The following RPRD1A variants were observed in gnomAD, a reference collection of about 807,000 sequenced individuals.
RPRD1A encodes regulation of nuclear pre-mRNA domain containing 1A, also known as regulation of nuclear pre-mRNA domain-containing protein 1A.
A neutral mutation model predicts 37.8 loss-of-function variants in RPRD1A; 9 were observed. The observed-to-expected ratio is 0.24, with a 90% CI of 0.14 to 0.42. RPRD1A has a LOEUF of 0.42. RPRD1A is among the 10% of genes least tolerant of loss of function. The probability of loss-of-function intolerance (pLI) is 1.00; values close to 1 mark genes in which losing one functional copy is unlikely to be tolerated. For missense variants in RPRD1A, 255 were observed against 371.0 expected (o/e 0.69, Z 2.57); for synonymous variants, 138 against 139.7 (o/e 0.99, Z 0.08).
intron 6 of RPRD1A, among the ~76,000 whole-genome samples, chr18:36,020,239 C>A (rs1910903041): frequency 6.6e-6 from 1 of 152,196 alleles, no homozygotes; most frequent in Non-Finnish European, 1.5e-5. Flanking sequence ...TAAAACTCTA[C>A]ACGAATCTGG....
chr18:36,011,396 A>G (rs1338493330), intron 6 of RPRD1A, among the ~76,000 whole-genome samples: 1 of 152,190 alleles, frequency 6.6e-6, no homozygotes, highest in Non-Finnish European at 1.5e-5. Flanking sequence ...AAAGTTAATA[A>G]CCACTGTCCT....
Position 35,991,997 on chromosome 18 carries a change from G to A in RPRD1A, c.*1154C>T, listed in dbSNP as rs1908743660. 1 of 152,644 alleles carries A rather than the reference G, an allele frequency of 6.6e-6. No homozygotes were observed. The highest frequency in any genetic ancestry group is 2.4e-5 in the African/African-American group (1 of 41,452). 9.5% of individuals were successfully genotyped at this position (152,644 alleles called of 1,614,324 possible). ...GTACAAATCCACAGCTTAACAATGT[G>A]TTTTTAACAGCAGGAGAGCATGCAA... On this transcript the variant is annotated 3_prime_UTR_variant, in exon 7 of 7. Transcript: ENST00000399022.
chr18:36,015,015 C>CA (rs1285405638), intron 6 of RPRD1A, among the ~76,000 whole-genome samples: 3 of 151,896 alleles, frequency 2.0e-5, no homozygotes, highest in Admixed American at 2.0e-4. Flanking sequence ...AATGTTGTAG[C>CA]ACTATGGAAA....
chr18:36,016,308 C>T (rs1910570809), intron 6 of RPRD1A, among the ~76,000 whole-genome samples: 1 of 152,144 alleles, frequency 6.6e-6, no homozygotes, highest in Admixed American at 6.5e-5. Flanking sequence ...CCGCAACCTC[C>T]ACCTACTGGG....
rs770442162 is a variant in RPRD1A, at chr18:36,033,737, A to C, written c.252T>G (p.Val84=). The C allele has an allele frequency of 1.2e-6, 2 of 1,613,304 alleles. No individual in the cohort carries two copies. The highest frequency in any genetic ancestry group is 2.2e-5 in the South Asian group (2 of 90,968). The part of the protein sequence containing the change: ...GPEFTKDFAP[V]IVEAFKHVSS... Reference sequence around the variant, plus strand: ...AAACATGCTTAAAAGCCTCCACTATAACTGGTGCAAAATCTTTTGTAAACT... The same window carrying C: ...AAACATGCTTAAAAGCCTCCACTATCACTGGTGCAAAATCTTTTGTAAACT... Residue 84 remains valine, a synonymous_variant, in exon 2 of 7, where the codon GTT becomes GTG. Transcript: ENST00000399022.
intron 6 of RPRD1A, among the ~76,000 whole-genome samples, chr18:35,995,046 G>A (rs949517129): frequency 6.6e-6 from 1 of 152,066 alleles, no homozygotes; most frequent in African/African-American, 2.4e-5. Flanking sequence ...ATAGCAAAAT[G>A]CAGAAATGTC....
intron 1 of RPRD1A, among the ~76,000 whole-genome samples, chr18:36,059,253 T>A (rs2088858614): frequency 6.6e-6 from 1 of 152,094 alleles, no homozygotes; most frequent in African/African-American, 2.4e-5. Context: ...TTCTTGTGCC[T>A]CAGCCTCCCA....
chr18:36,008,577 G>GTATATATATATA (rs141531156), intron 6 of RPRD1A, among the ~76,000 whole-genome samples: 5 of 47,796 alleles, frequency 1.0e-4, no homozygotes, highest in African/African-American at 3.4e-4. Context: ...CCTTGTGTGT[G>GTATATATATATA]TATATATATA....
chr18:36,016,200 A>G (rs1298282564), intron 6 of RPRD1A, among the ~76,000 whole-genome samples: 1 of 152,146 alleles, frequency 6.6e-6, no homozygotes, highest in Non-Finnish European at 1.5e-5. Context: ...CCACAACCCC[A>G]TGTCATTACA....
At chr18:36,004,661 A>T (rs1909628826) in intron 6 of RPRD1A, among the ~76,000 whole-genome samples, 1 of 151,474 alleles carries the variant, frequency 6.6e-6, no homozygotes, top group African/African-American at 2.4e-5. Flanking sequence ...AACAGACCTT[A>T]AAAAAAAAGT....
intron 6 of RPRD1A, among the ~76,000 whole-genome samples, chr18:36,006,019 T>G (rs1909727778): frequency 6.6e-6 from 1 of 152,232 alleles, no homozygotes; most frequent in African/African-American, 2.4e-5. Flanking sequence ...CTCACTGTTC[T>G]CATTTATAAA....
intron 1 of RPRD1A, among the ~76,000 whole-genome samples, chr18:36,044,814 A>T (rs1939626393): frequency 6.6e-6 from 1 of 152,090 alleles, no homozygotes. Flanking sequence ...AAGTGATTTT[A>T]AAAACTGCAA....
chr18:35,990,614 G>C lies in RPRD1A; in HGVS notation c.*2537C>G, dbSNP rs1908666929. Reference sequence around the variant, plus strand: ...CTCTGCACTGTATGTGGAGAAAAGAGTGATGGCATCCATTCAAACCATAGC... The same window carrying C: ...CTCTGCACTGTATGTGGAGAAAAGACTGATGGCATCCATTCAAACCATAGC... On this transcript the variant is annotated 3_prime_UTR_variant, in exon 7 of 7. Coordinates refer to ENST00000399022, the MANE Select transcript of RPRD1A (RefSeq NM_018170.5). 1 of 152,204 alleles carries C rather than the reference G, an allele frequency of 6.6e-6. No homozygotes were observed. Among genetic ancestry groups the C allele is most frequent in the Non-Finnish European group, 1.5e-5 (1 of 68,052 alleles). The allele number at this position is 152,204 out of a possible 1,614,324, so 9.4% of individuals were successfully genotyped here.
chr18:36,048,799 GAAATA>G (rs1913151268), intron 1 of RPRD1A, among the ~76,000 whole-genome samples: 2 of 151,972 alleles, frequency 1.3e-5, no homozygotes, highest in African/African-American at 4.8e-5. Context: ...GCAAGAAAAG[GAAATA>G]AAATAGAAAA....
chr18:36,067,434 CGCGGTGGGGCCGAGGGGAG>C lies in RPRD1A; in HGVS notation c.-49_-31del. 1 of 1,592,720 alleles carries C rather than the reference CGCGGTGGGGCCGAGGGGAG, an allele frequency of 6.3e-7. No individual in the cohort carries two copies. Among genetic ancestry groups the C allele is most frequent in the Non-Finnish European group, 8.6e-7 (1 of 1,169,088 alleles). On this transcript the variant is annotated 5_prime_UTR_variant, in exon 1 of 7. Transcript: ENST00000399022. Reference sequence around the variant, plus strand: ...CCGACACCACGTTCACGCCGTCCCACGCGGTGGGGCCGAGGGGAGGAGAGTTTCGCCGCCCTAGCTGCGG... The same window carrying C: ...CCGACACCACGTTCACGCCGTCCCACGAGAGTTTCGCCGCCCTAGCTGCGG...
In RPRD1A at chr18:36,052,605, T is replaced by C. The variant is rs538696261; in HGVS notation, c.151+14649A>G. Among the ~76,000 whole-genome samples the C allele has an allele frequency of 1.9e-3, 294 of 152,120 alleles. 1 individual carries two copies. Among genetic ancestry groups the C allele is most frequent in the African/African-American group, 6.9e-3 (285 of 41,514 alleles). On this transcript the variant is annotated intron_variant, in intron 1 of 6. Coordinates refer to ENST00000399022, the MANE Select transcript of RPRD1A (RefSeq NM_018170.5). ...ATAAGTTGGTATCAATTCATTTTTG[T>C]TGGGGGCGGGGGGGATGGAATCTTG...
At chr18:36,021,809 G>A (rs1233652381) in intron 6 of RPRD1A, among the ~76,000 whole-genome samples, 1 of 152,160 alleles carries the variant, frequency 6.6e-6, no homozygotes, top group East Asian at 1.9e-4. Context: ...AGACCAGCTT[G>A]GGCAACATAG....
At chr18:36,015,341 T>C (rs373173726) in intron 6 of RPRD1A, among the ~76,000 whole-genome samples, 5 of 151,806 alleles carry the variant, frequency 3.3e-5, no homozygotes, top group South Asian at 4.2e-4. Context: ...GCCTCTCAAA[T>C]AGCTGGGACT....
intron 6 of RPRD1A, among the ~76,000 whole-genome samples, chr18:36,005,938 G>GCAA (rs75707012): frequency 6.6e-6 from 1 of 151,948 alleles, no homozygotes; most frequent in African/African-American, 2.4e-5. Flanking sequence ...CAAAATGTGA[G>GCAA]GAGCTGTTTA....
Sources: gnomAD v4.1 joint callset for allele counts (sites outside exome capture counted in the v4.1 genomes callset) on GRCh38, gnomAD v4.1.1 for gene constraint, MANE v1.5 for transcripts, NCBI Gene and HGNC (gene_info 2026-07-23, HGNC 2026-07-21) for gene names.